Variants in MEGF10 observed in about 807,000 individuals in gnomAD.
The protein encoded by MEGF10 is multiple epidermal growth factor-like domains protein 10.
MEGF10 carries 86 observed loss-of-function variants against 147.5 expected under a neutral mutation model. The observed-to-expected ratio is 0.58, with a 90% CI of 0.49 to 0.70. The LOEUF (loss-of-function observed/expected upper bound fraction) is 0.70, where lower values mean the gene tolerates loss of function less well. MEGF10 is among the 30% of genes least tolerant of loss of function. MEGF10 has a pLI of 0.00. For missense variants in MEGF10, 1,329 were observed against 1,487.3 expected (o/e 0.89, Z 1.75); for synonymous variants, 478 against 525.5 (o/e 0.91, Z 1.24).
intron 5 of MEGF10, among the ~76,000 whole-genome samples, chr5:127,394,702 C>A (rs757272761): frequency 2.2e-4 from 34 of 152,056 alleles, no homozygotes; most frequent in Non-Finnish European, 4.3e-4. Context: ...ATAAAAGAAA[C>A]AACTCATATG....
chr5:127,392,395 T>C (rs754033726), intron 5 of MEGF10, among the ~76,000 whole-genome samples: 1 of 152,186 alleles, frequency 6.6e-6, no homozygotes, highest in Non-Finnish European at 1.5e-5. Context: ...TGCCTTTTGG[T>C]CTCAGTTTAG....
chr5:127,245,865 C>T, the MEGF10 span, among the ~76,000 whole-genome samples: 5 of 152,268 alleles, frequency 3.3e-5, no homozygotes, highest in African/African-American at 9.6e-5. Context: ...AGCTCATCAT[C>T]ACTGGTCATT....
chr5:127,396,821 C>T (rs1205039592), intron 6 of MEGF10, 43 bp downstream of exon 6: 1 of 1,583,280 alleles, frequency 6.3e-7, no homozygotes, highest in African/African-American at 1.3e-5. Context: ...GCCCACCCAC[C>T]CTCTCCATTC....
At chr5:127,276,057 C>T in the MEGF10 span, among the ~76,000 whole-genome samples, 4 of 152,186 alleles carry the variant, frequency 2.6e-5, no homozygotes, top group African/African-American at 9.7e-5. Flanking sequence ...TTGCTAGGGG[C>T]TCCAATTCCC....
intron 4 of MEGF10, among the ~76,000 whole-genome samples, chr5:127,362,417 T>G (rs1413764548): frequency 6.6e-6 from 1 of 151,064 alleles, no homozygotes; most frequent in East Asian, 1.9e-4. Context: ...TCACCCAGAC[T>G]GGAGTTCAGT....
chr5:127,264,938 T>C, the MEGF10 span, among the ~76,000 whole-genome samples: 2,504 of 152,276 alleles, frequency 0.016, 58 homozygotes, highest in East Asian at 0.086. Flanking sequence ...TTTATTATAC[T>C]TTAAGTTCTA....
At position 127,369,613 on chromosome 5, in the gene MEGF10, G is replaced by C. The variant is rs138263560; in HGVS notation, c.320-297G>C. On this transcript the variant is annotated intron_variant, in intron 4 of 24. Transcript: ENST00000503335. ...CAAAAAGGAATATTTGATACTCACT[G>C]ATAATTTTTTTAAAGAGTGAATTAG... 4.7e-3 allele frequency among the ~76,000 whole-genome samples: 718 copies of C among 152,242 alleles called. 6 individuals carry two copies. The highest frequency in any genetic ancestry group is 0.017 in the African/African-American group (696 of 41,530).
At chr5:127,254,376 A>C in the MEGF10 span, among the ~76,000 whole-genome samples, 1 of 152,208 alleles carries the variant, frequency 6.6e-6, no homozygotes, top group Non-Finnish European at 1.5e-5. Flanking sequence ...ACAATATTCT[A>C]CAATTTCCTT....
intron 5 of MEGF10, among the ~76,000 whole-genome samples, chr5:127,382,818 C>A (rs1240234118): frequency 6.6e-6 from 1 of 152,176 alleles, no homozygotes; most frequent in Non-Finnish European, 1.5e-5. Context: ...AGGCGAGAAA[C>A]CTGATTGACC....
At chr5:127,389,973 C>T (rs1763583420) in intron 5 of MEGF10, among the ~76,000 whole-genome samples, 1 of 142,750 alleles carries the variant, frequency 7.0e-6, no homozygotes, top group South Asian at 2.1e-4. Flanking sequence ...GATGTAAATG[C>T]CCAGCAGATA....
the MEGF10 span, among the ~76,000 whole-genome samples, chr5:127,249,523 G>T: frequency 6.6e-6 from 1 of 151,822 alleles, no homozygotes; most frequent in Non-Finnish European, 1.5e-5. Flanking sequence ...AATATGAACT[G>T]CAAGATAGTA....
chr5:127,432,669 CT>C (rs1765421852), intron 13 of MEGF10, among the ~76,000 whole-genome samples: 1 of 151,956 alleles, frequency 6.6e-6, no homozygotes, highest in African/African-American at 2.4e-5. Context: ...TTTCTGTTTC[CT>C]TTTGTCATTT....
At chr5:127,390,912 A>G (rs1763627038) in intron 5 of MEGF10, among the ~76,000 whole-genome samples, 2 of 152,020 alleles carry the variant, frequency 1.3e-5, no homozygotes, top group Admixed American at 1.3e-4. Context: ...CAATTTCTTC[A>G]TCTACATAAT....
chr5:127,457,241 G>A lies in MEGF10; in HGVS notation c.3346G>A (p.Val1116Ile). ...CCCTTGTCATTATGACCTGCTGCCA[G>A]TCCGAGACAGTTCATCCTCCCCTAA... is the stretch of plus-strand genomic sequence containing the variant. ...HIPCHYDLLP[V>I]RDSSSSPKQE... The change falls in exon 25 of 25, where the codon GTC becomes ATC. Residue 1116 changes from valine to isoleucine, a missense_variant. By Grantham distance (29) the Val-to-Ile change is conservative. Transcript: ENST00000503335. The A allele has an allele frequency of 6.2e-7, 1 of 1,614,164 alleles. No individual in the cohort carries two copies. The highest frequency in any genetic ancestry group is 8.5e-7 in the Non-Finnish European group (1 of 1,180,022).
intron 12 of MEGF10, 152 bp from the exon 13 acceptor site, chr5:127,422,518 A>T (rs552452277): frequency 1.6e-6 from 1 of 607,888 alleles, no homozygotes; most frequent in Non-Finnish European, 2.9e-6. Flanking sequence ...CATCTCAAAA[A>T]AAAAGAAAAA....
chr5:127,354,222 T>C lies in MEGF10; in HGVS notation c.319+13592T>C, dbSNP rs180799006. On this transcript the variant is annotated intron_variant, in intron 4 of 24. Transcript: ENST00000503335. ...ATGTCATGCTTCAGAAAACAATGGG[T>C]TTTAAGCCCAAATTTTGAGGCGAGG... 1.6e-4 allele frequency among the ~76,000 whole-genome samples: 24 copies of C among 152,200 alleles called. No individual in the cohort carries two copies. The East Asian group carries it at 4.2e-3, about 27-fold the overall frequency.
chr5:127,418,971 G>T (rs1428424058), intron 10 of MEGF10, 149 bp from the exon 11 acceptor site: 7 of 893,930 alleles, frequency 7.8e-6, no homozygotes, highest in East Asian at 2.6e-5. Context: ...TTGTATAGTG[G>T]TGACATTATG....
intron 7 of MEGF10, among the ~76,000 whole-genome samples, chr5:127,399,385 T>C (rs371699930): frequency 2.0e-5 from 3 of 152,230 alleles, no homozygotes; most frequent in Non-Finnish European, 2.9e-5. Context: ...CTTAGAGTTA[T>C]GTAGAATACA....
intron 5 of MEGF10, among the ~76,000 whole-genome samples, chr5:127,384,218 G>A (rs1241745125): frequency 6.6e-6 from 1 of 152,182 alleles, no homozygotes; most frequent in Non-Finnish European, 1.5e-5. Flanking sequence ...AATAGATAAG[G>A]AAATCTTAGC....
Sources: allele counts gnomAD v4.1 joint callset (sites outside exome capture counted in the v4.1 genomes callset), GRCh38; gene constraint gnomAD v4.1.1; transcripts MANE v1.5; gene names NCBI Gene and HGNC (gene_info 2026-07-23, HGNC 2026-07-21).